The following ANKS1B variants were observed in gnomAD, a reference collection of about 807,000 sequenced individuals.
The protein encoded by ANKS1B is ankyrin repeat and sterile alpha motif domain-containing protein 1B.
Under a neutral mutation model 148.3 loss-of-function variants are expected in ANKS1B, and 36 were observed. The observed-to-expected ratio is 0.24, with a 90% CI of 0.19 to 0.32. The LOEUF (loss-of-function observed/expected upper bound fraction) is 0.32, where lower values mean the gene tolerates loss of function less well. ANKS1B is among the 10% of genes least tolerant of loss of function. The pLI, the probability that ANKS1B is intolerant of heterozygous loss-of-function variation, is 1.00. For synonymous variants in ANKS1B, 542 were observed against 560.8 expected, an observed-to-expected ratio of 0.97 and a Z score of 0.47; for missense variants, 1,157 against 1,542.6, an observed-to-expected ratio of 0.75 and a Z score of 4.19.
chr12:99,984,166 A>G lies in ANKS1B; in HGVS notation c.72T>C (p.Ser24=). Reference sequence around the variant, plus strand: ...CGCCCAGGATCCCTCCTTTCCTGCCAGACAGGAGTTTCTCCACCAGAGCCA... The same window carrying G: ...CGCCCAGGATCCCTCCTTTCCTGCCGGACAGGAGTTTCTCCACCAGAGCCA... The part of the protein sequence containing the change: ...GNVALVEKLL[S]GRKGGILGGG... Residue 24 remains serine, a synonymous_variant, in exon 1 of 27, where the codon TCT becomes TCC. Coordinates refer to ENST00000683438, the MANE Select transcript of ANKS1B (RefSeq NM_001352186.2). 6.2e-7 allele frequency: 1 copy of G among 1,613,894 alleles called. No homozygotes were observed.
intron 8 of ANKS1B, among the ~76,000 whole-genome samples, chr12:99,687,247 GGCT>G (rs2098654807): frequency 6.6e-6 from 1 of 151,670 alleles, no homozygotes; most frequent in African/African-American, 2.4e-5. Context: ...TTTTTTCTCT[GGCT>G]GCTTTTAGGA....
At chr12:98,836,988 T>A (rs1379423105) in intron 17 of ANKS1B, among the ~76,000 whole-genome samples, 1 of 152,158 alleles carries the variant, frequency 6.6e-6, no homozygotes, top group Non-Finnish European at 1.5e-5. Flanking sequence ...AAAATTATTA[T>A]ACACATAAGC....
chr12:99,211,295 T>C (rs1451024917), intron 14 of ANKS1B, among the ~76,000 whole-genome samples: 1 of 152,174 alleles, frequency 6.6e-6, no homozygotes, highest in East Asian at 1.9e-4. Flanking sequence ...AAGCCGAAAG[T>C]AAGTTGTTTA....
intron 12 of ANKS1B, among the ~76,000 whole-genome samples, chr12:99,317,223 A>G (rs976192818): frequency 6.6e-6 from 1 of 152,176 alleles, no homozygotes; most frequent in Non-Finnish European, 1.5e-5. Context: ...TGGTAGCTTG[A>G]TGGGAATGGC....
intron 9 of ANKS1B, among the ~76,000 whole-genome samples, chr12:99,514,409 A>G (rs1457512030): frequency 1.3e-5 from 2 of 152,040 alleles, no homozygotes; most frequent in Non-Finnish European, 2.9e-5. Flanking sequence ...CACAAATCCA[A>G]AACTACCACA....
At chr12:99,593,525 T>A (rs1413968274) in intron 9 of ANKS1B, among the ~76,000 whole-genome samples, 1 of 152,104 alleles carries the variant, frequency 6.6e-6, no homozygotes, top group Non-Finnish European at 1.5e-5. Flanking sequence ...GCAAATAATT[T>A]AATGTTAAGG....
chr12:99,310,499 C>T (rs1426092392), intron 12 of ANKS1B, among the ~76,000 whole-genome samples: 21 of 152,274 alleles, frequency 1.4e-4, no homozygotes, highest in Admixed American at 1.1e-3. Flanking sequence ...TTTCTATTAG[C>T]GAGGATTCTT....
At chr12:98,852,932 T>C (rs1190205539) in intron 17 of ANKS1B, among the ~76,000 whole-genome samples, 1 of 152,178 alleles carries the variant, frequency 6.6e-6, no homozygotes, top group African/African-American at 2.4e-5. Context: ...ACAGAGTCCC[T>C]ATGAGGATCC....
chr12:99,709,518 C>G (rs1729679273), intron 8 of ANKS1B, among the ~76,000 whole-genome samples: 1 of 152,028 alleles, frequency 6.6e-6, no homozygotes, highest in South Asian at 2.1e-4. Context: ...ACAGATGCTG[C>G]AGGTATTAAA....
intron 9 of ANKS1B, among the ~76,000 whole-genome samples, chr12:99,589,868 A>T (rs902366687): frequency 3.3e-5 from 5 of 152,296 alleles, no homozygotes; most frequent in African/African-American, 1.2e-4. Flanking sequence ...GAGGTGATAG[A>T]CACCCCAATT....
chr12:99,637,792 T>TATATATATA (rs1555522659), intron 9 of ANKS1B, among the ~76,000 whole-genome samples: 3 of 144,756 alleles, frequency 2.1e-5, no homozygotes, highest in African/African-American at 7.6e-5. Context: ...CTCCCCTTTC[T>TATATATATA]ATATATATAT....
At chr12:98,895,941 CACA>C (rs1324576398) in intron 17 of ANKS1B, among the ~76,000 whole-genome samples, 1 of 151,912 alleles carries the variant, frequency 6.6e-6, no homozygotes, top group Non-Finnish European at 1.5e-5. Flanking sequence ...TGCTTAATAC[CACA>C]ACATTTTAAT....
intron 8 of ANKS1B, among the ~76,000 whole-genome samples, chr12:99,675,486 A>T (rs1215926138): frequency 1.3e-5 from 2 of 151,880 alleles, no homozygotes; most frequent in Admixed American, 6.6e-5. Flanking sequence ...AGGAGGATAA[A>T]TTCCAGTTTT....
At chr12:99,086,137 T>G (rs2051705289) in intron 15 of ANKS1B, among the ~76,000 whole-genome samples, 1 of 152,208 alleles carries the variant, frequency 6.6e-6, no homozygotes, top group Non-Finnish European at 1.5e-5. Context: ...GGAAAGGGAC[T>G]GTTCAAAGGC....
At chr12:99,498,591 A>G (rs1271540478) in intron 10 of ANKS1B, among the ~76,000 whole-genome samples, 1 of 152,016 alleles carries the variant, frequency 6.6e-6, no homozygotes. Flanking sequence ...TGCCCTTATT[A>G]TCCTTAATTT....
chr12:99,907,020 T>C (rs1354843695), intron 1 of ANKS1B, among the ~76,000 whole-genome samples: 1 of 152,070 alleles, frequency 6.6e-6, no homozygotes, highest in African/African-American at 2.4e-5. Context: ...ACACACAAAC[T>C]GAAGGATACA....
chr12:99,052,546 TGAAAC>T lies in ANKS1B; in HGVS notation c.2778+606_2778+610del, dbSNP rs2099966828. 1.2e-4 allele frequency among the ~76,000 whole-genome samples: 18 copies of T among 147,970 alleles called. 2 individuals carry two copies. The South Asian group carries it at 4.0e-3, about 33-fold the overall frequency. ...ATCGAGACCATCCTGGCTAACAAGG[TGAAAC>T]CCCGTCTCTACTAAAAAATACAAAA... On this transcript the variant is annotated intron_variant, in intron 17 of 26. Coordinates refer to ENST00000683438, the MANE Select transcript of ANKS1B (RefSeq NM_001352186.2).
At chr12:99,246,956 A>G in intron 12 of ANKS1B, 92 bp from the exon 13 acceptor site, 1 of 979,966 alleles carries the variant, frequency 1.0e-6, no homozygotes, top group Non-Finnish European at 1.5e-6. Flanking sequence ...GGGCTATCCA[A>G]ACATTTCATT....
intron 9 of ANKS1B, among the ~76,000 whole-genome samples, chr12:99,570,758 T>C (rs1319622587): frequency 1.3e-5 from 2 of 152,082 alleles, no homozygotes; most frequent in East Asian, 3.8e-4. Flanking sequence ...GTTTGAACTT[T>C]TCCATAATAA....
Sources: gnomAD v4.1 joint callset for allele counts (sites outside exome capture counted in the v4.1 genomes callset) on GRCh38, gnomAD v4.1.1 for gene constraint, MANE v1.5 for transcripts, NCBI Gene and HGNC (gene_info 2026-07-23, HGNC 2026-07-21) for gene names.